PDXK: variants seen among roughly 807,000 people sequenced by gnomAD.
PDXK encodes epididymis secretory sperm binding protein Li 1a.
In PDXK, 15 loss-of-function variants were observed where a neutral mutation model predicts 43.2. The observed-to-expected ratio is 0.35, with a 90% CI of 0.23 to 0.53. The LOEUF is 0.53. Among genes scored for constraint, PDXK ranks in the 20% least tolerant of loss-of-function variants. The pLI, the probability that PDXK is intolerant of heterozygous loss-of-function variation, is 0.92. For synonymous variants in PDXK, 172 were observed against 165.4 expected, an observed-to-expected ratio of 1.04 and a Z score of -0.31; for missense variants, 343 against 417.0, an observed-to-expected ratio of 0.82 and a Z score of 1.54.
intron 3 of PDXK, among the ~76,000 whole-genome samples, chr21:43,742,092 C>T (rs1283490448): frequency 6.6e-6 from 1 of 152,120 alleles, no homozygotes; most frequent in Non-Finnish European, 1.5e-5. Flanking sequence ...GGGTGGGACA[C>T]TCAATTAGGT....
chr21:43,741,828 G>A, intron 3 of PDXK, 57 bp downstream of exon 3: 1 of 1,186,314 alleles, frequency 8.4e-7, no homozygotes, highest in Non-Finnish European at 1.2e-6. Flanking sequence ...AGCCAGGGTG[G>A]GCTCAGGGAG....
In PDXK at chr21:43,737,287, C is replaced by T. The variant is rs115887388; in HGVS notation, c.142+3164C>T. On this transcript the variant is annotated intron_variant, in intron 2 of 10. Coordinates refer to ENST00000291565, the MANE Select transcript of PDXK (RefSeq NM_003681.5). This position sits in a 1 kb window ranked among gnomAD's most constrained non-coding sequence, Gnocchi z 4.8. ...TGCAGAGCCCACCTGGCGCAGGCCT[C>T]GCCGCCTCGAGGCTGCTGCTCGCAC... The T allele has an allele frequency of 1.3e-3, 1,789 of 1,404,040 alleles. 16 individuals are homozygous for T. In the African/African-American group the frequency reaches 0.021, roughly 17 times the overall value. The allele number at this position is 1,404,040 out of a possible 1,614,324, so 87.0% of individuals were successfully genotyped here. A position where few individuals can be genotyped will look rare whatever the true frequency, so the allele number is the denominator to read the frequency against.
rs927117197 is a variant in PDXK, at chr21:43,722,694, G to A, written c.87+3313G>A. ...CCCCAGGCTTCTGGGGCTCACGGCC[G>A]AATCACTCCAGTCTCTGTCTCTGTC... On this transcript the variant is annotated intron_variant, in intron 1 of 10. Transcript: ENST00000291565. Among the ~76,000 whole-genome samples the A allele has an allele frequency of 3.3e-5, 5 of 152,040 alleles. No individual in the cohort carries two copies. In the South Asian group the frequency reaches 6.2e-4, roughly 19 times the overall value.
Position 43,734,657 on chromosome 21 carries a change from C to T in PDXK, c.142+534C>T, listed in dbSNP as rs932409469. On this transcript the variant is annotated intron_variant, in intron 2 of 10. Coordinates refer to ENST00000291565, the MANE Select transcript of PDXK (RefSeq NM_003681.5). The surrounding 1 kb of genome is among the most constrained non-coding windows in gnomAD (Gnocchi z 5.0). The stretch of plus-strand genomic sequence containing the variant: ...GGGCCCCGTGTGTGCCTCTGTCTCC[C>T]TGCCCTGGGACTCTGAGGACTTTGC... 6.6e-6 allele frequency among the ~76,000 whole-genome samples: 1 copy of T among 152,132 alleles called. No homozygotes were observed. The highest frequency in any genetic ancestry group is 1.5e-5 in the Non-Finnish European group (1 of 68,012).
At position 43,737,190 on chromosome 21, in the gene PDXK, C is replaced by G; in HGVS notation, c.142+3067C>G. The G allele has an allele frequency of 6.9e-7, 1 of 1,445,928 alleles. No homozygotes were observed. The highest frequency in any genetic ancestry group is 9.1e-7 in the Non-Finnish European group (1 of 1,101,490). The allele number at this position is 1,445,928 out of a possible 1,614,324, so 89.6% of individuals were successfully genotyped here. ...ACTCCCGGCAGGGACACGGGTGTTCCACACAAGCTGCGTTGTTGGTTCCCT... is the reference window on the plus strand; with the variant it reads ...ACTCCCGGCAGGGACACGGGTGTTCGACACAAGCTGCGTTGTTGGTTCCCT... On this transcript the variant is annotated intron_variant, in intron 2 of 10. Transcript: ENST00000291565. The surrounding 1 kb of genome is among the most constrained non-coding windows in gnomAD (Gnocchi z 4.8).
chr21:43,754,819 G>A lies in PDXK; in HGVS notation c.760-879G>A, dbSNP rs950417164. ...TTTGCCGGGCCGCTTAAGGGGCCAC[G>A]TGTCCCCCGGGGTACACCTCCTCCC... On this transcript the variant is annotated intron_variant, in intron 9 of 10. Coordinates refer to ENST00000291565, the MANE Select transcript of PDXK (RefSeq NM_003681.5). This position sits in a 1 kb window ranked among gnomAD's most constrained non-coding sequence, Gnocchi z 5.5. Among the ~76,000 whole-genome samples the A allele has an allele frequency of 4.3e-4, 65 of 152,148 alleles. No homozygotes were observed. The highest frequency in any genetic ancestry group is 1.5e-3 in the African/African-American group (63 of 41,438).
At position 43,760,389 on chromosome 21, in the gene PDXK, C is replaced by T. The variant is rs907889535; in HGVS notation, c.*4326C>T. 2 of 152,208 alleles carry T rather than the reference C, an allele frequency of 1.3e-5. No individual in the cohort carries two copies. The highest frequency in any genetic ancestry group is 4.8e-5 in the African/African-American group (2 of 41,438). The allele number at this position is 152,208 out of a possible 1,614,324, so 9.4% of individuals were successfully genotyped here. A position where few individuals can be genotyped will look rare whatever the true frequency, so the allele number is the denominator to read the frequency against. ...ATGGGGTTTCACCATGTTGGCCAAG[C>T]TGGTCTCAAACTCCTGACCTCAAGT... On this transcript the variant is annotated 3_prime_UTR_variant, in exon 11 of 11. Transcript: ENST00000291565.
Position 43,761,067 on chromosome 21 carries a change from C to T in PDXK, c.*5004C>T, listed in dbSNP as rs561667575. ...AATGTATATTAGTAAGAAGTTCTTC[C>T]TGGAATTTTTCTTTCGATTCTGGCA... On this transcript the variant is annotated 3_prime_UTR_variant, in exon 11 of 11. Transcript: ENST00000291565. 5.3e-5 allele frequency: 8 copies of T among 152,272 alleles called. No homozygotes were observed. In the East Asian group the frequency reaches 1.3e-3, roughly 26 times the overall value. The allele number at this position is 152,272 out of a possible 1,614,324, so 9.4% of individuals were successfully genotyped here. A position where few individuals can be genotyped will look rare whatever the true frequency, so the allele number is the denominator to read the frequency against.
rs959665139 is a variant in PDXK at position 43,734,878 on chromosome 21, C to T, written c.142+755C>T. 6.6e-6 allele frequency among the ~76,000 whole-genome samples: 1 copy of T among 152,222 alleles called. No individual in the cohort carries two copies. Among genetic ancestry groups the T allele is most frequent in the Non-Finnish European group, 1.5e-5 (1 of 68,042 alleles). ...CCACCTCGCTTCCCCTGAAATTTCT[C>T]TGAACCCAGGCGGAACCTTGGGAGC... On this transcript the variant is annotated intron_variant, in intron 2 of 10. Coordinates refer to ENST00000291565, the MANE Select transcript of PDXK (RefSeq NM_003681.5). This position sits in a 1 kb window ranked among gnomAD's most constrained non-coding sequence, Gnocchi z 5.0.
In PDXK at chr21:43,753,589, C is replaced by T; in HGVS notation, c.629C>T (p.Pro210Leu). The part of the protein sequence containing the change: ...IVLGSQRRRN[P>L]AGSVVMERIR... ...GCCCATCTTCTCCCCCTAGGGAATCCCGCTGGCTCCGTGGTGATGGAACGC... is the reference window on the plus strand; with the variant it reads ...GCCCATCTTCTCCCCCTAGGGAATCTCGCTGGCTCCGTGGTGATGGAACGC... Residue 210 changes from proline to leucine, a missense_variant, in exon 9 of 11, where the codon CCC becomes CTC. Coordinates refer to ENST00000291565, the MANE Select transcript of PDXK (RefSeq NM_003681.5). 6.2e-7 allele frequency: 1 copy of T among 1,611,272 alleles called. No homozygotes were observed. The highest frequency in any genetic ancestry group is 1.1e-5 in the South Asian group (1 of 90,792).
In PDXK at chr21:43,732,213, C is replaced by T. The variant is rs1251161793; in HGVS notation, c.88-1856C>T. 7.0e-7 allele frequency: 1 copy of T among 1,438,636 alleles called. No individual in the cohort carries two copies. Among genetic ancestry groups the T allele is most frequent in the South Asian group, 1.5e-5 (1 of 66,824 alleles). The allele number at this position is 1,438,636 out of a possible 1,614,324, so 89.1% of individuals were successfully genotyped here. ...CACTGCTGTACAGAGATGCCAATTC[C>T]AGAGGCATGGTCCGGCACAGAGCGC... On this transcript the variant is annotated intron_variant, in intron 1 of 10. Coordinates refer to ENST00000291565, the MANE Select transcript of PDXK (RefSeq NM_003681.5). The surrounding 1 kb of genome is among the most constrained non-coding windows in gnomAD (Gnocchi z 4.1).
intron 1 of PDXK, among the ~76,000 whole-genome samples, chr21:43,724,288 C>G (rs2083232270): frequency 6.6e-6 from 1 of 152,130 alleles, no homozygotes; most frequent in Non-Finnish European, 1.5e-5. Flanking sequence ...GCCCTGGAAC[C>G]CTGGATGTCA....
intron 2 of PDXK, among the ~76,000 whole-genome samples, chr21:43,739,300 G>A (rs2083454621): frequency 6.6e-6 from 1 of 152,178 alleles, no homozygotes; most frequent in Admixed American, 6.5e-5. Flanking sequence ...TGGGATTACA[G>A]GCGTGAGCCA....
chr21:43,750,737 G>A (rs1444086303), intron 7 of PDXK, among the ~76,000 whole-genome samples, 192 bp downstream of exon 7: 2 of 151,340 alleles, frequency 1.3e-5, no homozygotes, highest in African/African-American at 4.9e-5. Flanking sequence ...TTGTGCATGT[G>A]TGTGTGTGTG....
chr21:43,731,489 G>A (rs1054566937), intron 1 of PDXK, among the ~76,000 whole-genome samples: 2 of 152,202 alleles, frequency 1.3e-5, no homozygotes, highest in Non-Finnish European at 2.9e-5. Flanking sequence ...TAGGGACAGG[G>A]TTTACTGTAA....
Position 43,741,674 on chromosome 21 carries a change from C to T in PDXK, c.150C>T (p.Ala50=). 6.2e-7 allele frequency: 1 copy of T among 1,612,212 alleles called. No individual in the cohort carries two copies. The highest frequency in any genetic ancestry group is 8.5e-7 in the Non-Finnish European group (1 of 1,178,568). ...GGCTTCCTCTGCCTCTAGGCTATGC[C>T]CACTGGAAGGGCCAAGTGCTGAATT... is the stretch of plus-strand genomic sequence containing the variant. ...SVQFSNHTGY[A]HWKGQVLNSD... The change falls in exon 3 of 11, where the codon GCC becomes GCT. Residue 50 remains alanine (A), a synonymous_variant. Transcript: ENST00000291565.
intron 3 of PDXK, 138 bp downstream of exon 3, chr21:43,741,909 G>C: frequency 1.5e-6 from 1 of 663,656 alleles, no homozygotes; most frequent in South Asian, 1.6e-5. Flanking sequence ...GCGTGCCCAA[G>C]CCACCATCAC....
chr21:43,729,970 A>G (rs554478787), intron 1 of PDXK, among the ~76,000 whole-genome samples: 1 of 152,090 alleles, frequency 6.6e-6, no homozygotes, highest in East Asian at 1.9e-4. Context: ...AACAAAACAA[A>G]AAAAACAAAA....
Position 43,732,485 on chromosome 21 carries a change from G to A in PDXK, c.88-1584G>A, listed in dbSNP as rs201842321. On this transcript the variant is annotated intron_variant, in intron 1 of 10. Coordinates refer to ENST00000291565, the MANE Select transcript of PDXK (RefSeq NM_003681.5). This position sits in a 1 kb window ranked among gnomAD's most constrained non-coding sequence, Gnocchi z 4.1. ...GCCAGCCCAGGGGCTCAGCTTGCTC[G>A]TGCTCTCATTTAAAAGCAGAAAATA... The A allele has an allele frequency of 4.3e-5, 67 of 1,569,340 alleles. 1 individual carries two copies. The highest frequency in any genetic ancestry group is 3.8e-4 in the East Asian group (17 of 44,664).
Sources: allele counts gnomAD v4.1 joint callset (sites outside exome capture counted in the v4.1 genomes callset), GRCh38; gene constraint gnomAD v4.1.1; non-coding constraint Gnocchi (gnomAD v3.1); transcripts MANE v1.5; gene names NCBI Gene and HGNC (gene_info 2026-07-23, HGNC 2026-07-21).